The following WDPCP variants were observed in gnomAD, a reference collection of about 807,000 sequenced individuals.
The protein encoded by WDPCP is WD repeat-containing and planar cell polarity effector protein fritz homolog.
WDPCP carries 71 observed loss-of-function variants against 93.1 expected under a neutral mutation model. The observed-to-expected ratio is 0.76, with a 90% confidence interval of 0.63 to 0.93. The LOEUF is 0.93. WDPCP is among the 40% of genes least tolerant of loss of function. The probability of loss-of-function intolerance (pLI) is 0.00; values close to 1 mark genes in which losing one functional copy is unlikely to be tolerated. For missense variants in WDPCP, 844 were observed against 887.4 expected (o/e 0.95, Z 0.62); for synonymous variants, 315 against 315.0 (o/e 1.00, Z 0.00).
intron 1 of WDPCP, among the ~76,000 whole-genome samples, chr2:63,563,411 T>A (rs1185147420): frequency 6.6e-6 from 1 of 151,900 alleles, no homozygotes; most frequent in Non-Finnish European, 1.5e-5. Flanking sequence ...GTAAAATTTA[T>A]CACTGATTAG....
intron 3 of WDPCP, 50 bp downstream of exon 3, chr2:63,487,397 T>C: frequency 7.6e-7 from 1 of 1,324,152 alleles, no homozygotes; most frequent in Non-Finnish European, 1.1e-6. Context: ...TATTTCATGG[T>C]TTAGAATATT....
rs1487382608 is a variant in WDPCP, at chr2:63,809,375, G to C, written n.308+4247C>G. On this transcript the variant is annotated intron_variant and non_coding_transcript_variant, in intron 2 of 4. Transcript: ENST00000467687. ...AGCCGCCCCTACTGGGAAGTGAGGA[G>C]CCCCTCTGCCCAGCCACCACCCCGT... is the stretch of plus-strand genomic sequence containing the variant. Among the ~76,000 whole-genome samples, 23 of 152,256 alleles carry C rather than the reference G, an allele frequency of 1.5e-4. No homozygotes were observed. The East Asian group carries it at 3.3e-3, about 22-fold the overall frequency.
chr2:63,355,703 G>A (rs1246101905), intron 12 of WDPCP, among the ~76,000 whole-genome samples: 1 of 151,958 alleles, frequency 6.6e-6, no homozygotes, highest in Non-Finnish European at 1.5e-5. Context: ...AACATGGTGA[G>A]ACCCCCCAAC....
chr2:63,729,797 T>C (rs563201790), intron 2 of WDPCP, among the ~76,000 whole-genome samples: 1 of 152,128 alleles, frequency 6.6e-6, no homozygotes, highest in Admixed American at 6.5e-5. Flanking sequence ...TGCTGCTTTA[T>C]GTAGTGAAAA....
intron 12 of WDPCP, among the ~76,000 whole-genome samples, chr2:63,374,077 T>C (rs1225369253): frequency 1.3e-5 from 2 of 151,648 alleles, no homozygotes; most frequent in Non-Finnish European, 2.9e-5. Context: ...TTGTCTACCA[T>C]TCCTTTCTGC....
chr2:63,731,261 C>T lies in WDPCP; in HGVS notation n.309-80423G>A. On this transcript the variant is annotated intron_variant and non_coding_transcript_variant, in intron 2 of 4. Coordinates refer to the WDPCP transcript ENST00000467687. ...CCCTGCATGGCAACAGAGTGAGAAT[C>T]CGTCTCAAAAAAAAAAAAAAAAAGA... Among the ~76,000 whole-genome samples the T allele has an allele frequency of 2.0e-5, 3 of 147,234 alleles. 1 individual carries two copies. The highest frequency in any genetic ancestry group is 2.0e-4 in the Admixed American group (3 of 14,874).
chr2:63,439,724 G>A (rs1164879458), intron 7 of WDPCP, 33 bp downstream of exon 7: 2 of 1,574,474 alleles, frequency 1.3e-6, no homozygotes, highest in Admixed American at 1.7e-5. Flanking sequence ...CACTGTTAAT[G>A]TAGGCAATTG....
At chr2:63,403,958 A>C in intron 10 of WDPCP, 90 bp downstream of exon 10, 1 of 1,562,854 alleles carries the variant, frequency 6.4e-7, no homozygotes. Context: ...TAAATAGAAA[A>C]ATCTACATTC....
intron 11 of WDPCP, among the ~76,000 whole-genome samples, chr2:63,381,466 A>T (rs1692302068): frequency 6.6e-6 from 1 of 152,094 alleles, no homozygotes; most frequent in Non-Finnish European, 1.5e-5. Context: ...AAAAAAAGGA[A>T]GTGTTAAGGA....
At chr2:63,714,706 G>A (rs757693429) in intron 2 of WDPCP, among the ~76,000 whole-genome samples, 3 of 152,140 alleles carry the variant, frequency 2.0e-5, no homozygotes, top group Non-Finnish European at 2.9e-5. Flanking sequence ...GCACGCACCT[G>A]TACTCCCAGC....
At chr2:63,194,665 G>A (rs1675289777) in intron 14 of WDPCP, among the ~76,000 whole-genome samples, 1 of 152,064 alleles carries the variant, frequency 6.6e-6, no homozygotes, top group Non-Finnish European at 1.5e-5. Context: ...GAGATGTAAA[G>A]GTATTGAGAT....
chr2:63,265,323 GA>G (rs1186620510), intron 13 of WDPCP, among the ~76,000 whole-genome samples: 1 of 152,008 alleles, frequency 6.6e-6, no homozygotes, highest in Non-Finnish European at 1.5e-5. Flanking sequence ...AATAAAATCA[GA>G]AATGAAAGAG....
intron 14 of WDPCP, among the ~76,000 whole-genome samples, chr2:63,245,425 G>C (rs1016039950): frequency 1.3e-5 from 2 of 152,190 alleles, no homozygotes; most frequent in African/African-American, 4.8e-5. Flanking sequence ...AGCTTTTTGA[G>C]AAAAGGACAG....
intron 12 of WDPCP, among the ~76,000 whole-genome samples, chr2:63,334,133 A>C (rs1688182526): frequency 6.6e-6 from 1 of 152,182 alleles, no homozygotes; most frequent in Admixed American, 6.5e-5. Context: ...AACAATACCA[A>C]GTCTTTTAAT....
At chr2:63,167,822 A>G (rs1376871983) in intron 15 of WDPCP, among the ~76,000 whole-genome samples, 1 of 152,212 alleles carries the variant, frequency 6.6e-6, no homozygotes, top group Non-Finnish European at 1.5e-5. Flanking sequence ...TGTAGTAAGC[A>G]TAGTGAGTTA....
chr2:63,741,687 A>G (rs2103856037), intron 2 of WDPCP, among the ~76,000 whole-genome samples: 1 of 152,088 alleles, frequency 6.6e-6, no homozygotes, highest in East Asian at 1.9e-4. Flanking sequence ...AGTGTTGTGG[A>G]TTATTTTATT....
chr2:63,321,135 G>C (rs1306036872), intron 12 of WDPCP, among the ~76,000 whole-genome samples: 1 of 151,312 alleles, frequency 6.6e-6, no homozygotes, highest in African/African-American at 2.4e-5. Flanking sequence ...TTAAATATAT[G>C]AAACAAAAAA....
At chr2:63,220,065 G>T (rs13417792) in intron 14 of WDPCP, among the ~76,000 whole-genome samples, 22,749 of 152,030 alleles carry the variant, frequency 0.15, 2,034 homozygotes, top group Middle Eastern at 0.22. Context: ...AGCCTTTGGC[G>T]ACATTGACTG....
At chr2:63,785,445 G>T (rs1326126613) in intron 2 of WDPCP, among the ~76,000 whole-genome samples, 1 of 151,930 alleles carries the variant, frequency 6.6e-6, no homozygotes, top group Non-Finnish European at 1.5e-5. Flanking sequence ...TACTACATTG[G>T]CATTTATAAA....
Sources: gnomAD v4.1 joint callset for allele counts (sites outside exome capture counted in the v4.1 genomes callset) on GRCh38, gnomAD v4.1.1 for gene constraint, MANE v1.5 for transcripts, NCBI Gene and HGNC (gene_info 2026-07-23, HGNC 2026-07-21) for gene names.